MSRA: variants seen among roughly 807,000 people sequenced by gnomAD.
MSRA encodes mitochondrial peptide methionine sulfoxide reductase.
MSRA carries 54 observed loss-of-function variants against 31.3 expected under a neutral mutation model. That is an observed-to-expected ratio of 1.73 (90% confidence interval 1.39 to 2.17). MSRA has a LOEUF of 2.17. Among genes scored for constraint, MSRA ranks in the 30% most tolerant of loss-of-function variants. The pLI, the probability that MSRA is intolerant of heterozygous loss-of-function variation, is 0.00. For synonymous variants in MSRA, 169 were observed against 116.5 expected (o/e 1.45, Z -2.90); for missense variants, 507 against 300.9 (o/e 1.69, Z -5.07).
At chr8:10,327,498 T>A (rs756859577) in intron 5 of MSRA, among the ~76,000 whole-genome samples, 22 of 152,222 alleles carry the variant, frequency 1.4e-4, no homozygotes, top group Non-Finnish European at 2.6e-4. Flanking sequence ...TTTTGATTAT[T>A]TAATTTTCTT....
chr8:10,058,903 T>G (rs572938307), intron 1 of MSRA: 7 of 152,372 alleles, frequency 4.6e-5, no homozygotes, highest in African/African-American at 1.7e-4. Context: ...TTCAAACCTT[T>G]AAACTTCTTA....
chr8:10,107,192 C>T (rs1399026504), intron 1 of MSRA, among the ~76,000 whole-genome samples: 2 of 151,794 alleles, frequency 1.3e-5, no homozygotes, highest in Non-Finnish European at 2.9e-5. Context: ...TGTCCCTCTG[C>T]AACTCAGAGG....
intron 5 of MSRA, among the ~76,000 whole-genome samples, chr8:10,322,467 T>C (rs1204193671): frequency 6.6e-6 from 1 of 152,136 alleles, no homozygotes; most frequent in African/African-American, 2.4e-5. Flanking sequence ...CAGGTCCAGG[T>C]CCAGGTCATG....
intron 5 of MSRA, among the ~76,000 whole-genome samples, chr8:10,398,155 C>T (rs1338385008): frequency 1.3e-5 from 2 of 152,222 alleles, no homozygotes; most frequent in African/African-American, 4.8e-5. Flanking sequence ...CCCAAGGACT[C>T]TCTAGTAGCC....
intron 5 of MSRA, among the ~76,000 whole-genome samples, chr8:10,421,890 G>A (rs1016630061): frequency 6.6e-6 from 1 of 152,184 alleles, no homozygotes; most frequent in Non-Finnish European, 1.5e-5. Flanking sequence ...GGGGAATGTG[G>A]AAATGGGGGC....
chr8:10,054,530 C>A lies in MSRA; in HGVS notation c.14C>A (p.Thr5Asn). 6.3e-7 allele frequency: 1 copy of A among 1,582,620 alleles called. No homozygotes were observed. Among genetic ancestry groups the A allele is most frequent in the South Asian group, 1.1e-5 (1 of 88,708 alleles). Residue 5 changes from threonine (T) to asparagine (N), a missense_variant, in exon 1 of 6, where the codon ACC becomes AAC. Transcript: ENST00000317173. ...TGGCGCCCTCCCATGCTCTCGGCCA[C>A]CCGGAGGGCTTGCCAGCTCCTCCTC... MLSA[T>N]RRACQLLLLH...
intron 1 of MSRA, among the ~76,000 whole-genome samples, chr8:10,117,378 A>G (rs1158915647): frequency 6.6e-6 from 1 of 152,188 alleles, no homozygotes; most frequent in Non-Finnish European, 1.5e-5. Context: ...TCTTCCCTAG[A>G]CTGGGTCTGC....
At chr8:10,168,035 C>T (rs556773300) in intron 1 of MSRA, among the ~76,000 whole-genome samples, 8 of 152,262 alleles carry the variant, frequency 5.3e-5, no homozygotes, top group African/African-American at 1.9e-4. Context: ...GATTCTGGAA[C>T]CCAACAGTTT....
rs541967902 is a variant in MSRA at position 10,068,770 on chromosome 8, C to T, written c.142+14112C>T. Among the ~76,000 whole-genome samples, 17 of 152,170 alleles carry T rather than the reference C, an allele frequency of 1.1e-4. No individual in the cohort carries two copies. In the East Asian group the frequency reaches 2.7e-3, roughly 24 times the overall value. On this transcript the variant is annotated intron_variant, in intron 1 of 5. Transcript: ENST00000317173. The stretch of plus-strand genomic sequence containing the variant: ...TTGAGTTAGCTATTCTTTTTTTCCC[C>T]CTTTCCATATAAAGTTTAGAATCAG...
At chr8:10,247,926 A>G (rs1585267711) in intron 3 of MSRA, among the ~76,000 whole-genome samples, 1 of 152,290 alleles carries the variant, frequency 6.6e-6, no homozygotes, top group African/African-American at 2.4e-5. Flanking sequence ...TCGCTAGAGT[A>G]ATTATGGTAA....
At chr8:10,406,126 T>G (rs1049206380) in intron 5 of MSRA, among the ~76,000 whole-genome samples, 1 of 152,226 alleles carries the variant, frequency 6.6e-6, no homozygotes, top group East Asian at 1.9e-4. Context: ...AGCGTGACTC[T>G]CCCTGTATCC....
chr8:10,253,017 A>G lies in MSRA; in HGVS notation c.331+7794A>G, dbSNP rs1797997304. The stretch of plus-strand genomic sequence containing the variant: ...CAAAGAGACGTGCACATTTTGCTAG[A>G]GGTATCCCAAGTTTGCCCAGTTATT... On this transcript the variant is annotated intron_variant, in intron 3 of 5. Transcript: ENST00000317173. Among the ~76,000 whole-genome samples the G allele has an allele frequency of 2.0e-5, 3 of 152,318 alleles. 1 individual carries two copies. In the South Asian group the frequency reaches 6.2e-4, roughly 32 times the overall value.
At chr8:10,336,435 AT>A (rs1803048733) in intron 5 of MSRA, among the ~76,000 whole-genome samples, 1 of 151,442 alleles carries the variant, frequency 6.6e-6, no homozygotes, top group African/African-American at 2.4e-5. Context: ...AAAAATTTTA[AT>A]CCTTTTTTTT....
At chr8:10,235,682 C>T (rs1296302843) in intron 2 of MSRA, among the ~76,000 whole-genome samples, 2 of 152,114 alleles carry the variant, frequency 1.3e-5, no homozygotes, top group African/African-American at 2.4e-5. Context: ...CCTAATGATT[C>T]TCTTCCTTCT....
chr8:10,149,611 T>G (rs1474461749), intron 1 of MSRA, among the ~76,000 whole-genome samples: 2 of 152,046 alleles, frequency 1.3e-5, no homozygotes, highest in African/African-American at 4.8e-5. Flanking sequence ...TTAATAACAT[T>G]GTTTGGTTTT....
chr8:10,365,205 T>G (rs1805089982), intron 5 of MSRA, among the ~76,000 whole-genome samples: 1 of 151,306 alleles, frequency 6.6e-6, no homozygotes, highest in Non-Finnish European at 1.5e-5. Flanking sequence ...AATTATCATC[T>G]TTTTTCCCCT....
At chr8:10,137,183 GCCTT>G (rs1194443494) in intron 1 of MSRA, among the ~76,000 whole-genome samples, 4 of 152,124 alleles carry the variant, frequency 2.6e-5, no homozygotes, top group African/African-American at 9.7e-5. Context: ...CATCATTGGA[GCCTT>G]CTTTATTTTG....
chr8:10,354,734 A>G (rs978678548), intron 5 of MSRA, among the ~76,000 whole-genome samples: 14 of 134,848 alleles, frequency 1.0e-4, no homozygotes, highest in Admixed American at 3.7e-4. Context: ...GTTATGTAAT[A>G]TGTGTGTGTG....
intron 5 of MSRA, among the ~76,000 whole-genome samples, chr8:10,333,038 C>CA (rs1802796803): frequency 6.6e-6 from 1 of 152,224 alleles, no homozygotes; most frequent in African/African-American, 2.4e-5. Flanking sequence ...ATTCTACCTA[C>CA]TGCCCAGGTT....
Sources: allele counts gnomAD v4.1 joint callset (sites outside exome capture counted in the v4.1 genomes callset), GRCh38; gene constraint gnomAD v4.1.1; transcripts MANE v1.5; gene names NCBI Gene and HGNC (gene_info 2026-07-23, HGNC 2026-07-21).